Variants in GRIK4 observed in about 807,000 individuals in gnomAD.
GRIK4 encodes glutamate receptor ionotropic, kainate 4.
A neutral mutation model predicts 104.9 loss-of-function variants in GRIK4; 40 were observed. The ratio of observed to expected loss-of-function variants is 0.38; its 90% CI spans 0.30 to 0.50. The LOEUF (loss-of-function observed/expected upper bound fraction) is 0.50. Among genes scored for constraint, GRIK4 ranks in the 20% least tolerant of loss-of-function variants. GRIK4 has a pLI of 0.93. For synonymous variants in GRIK4, 485 were observed against 524.9 expected (o/e 0.92, Z 1.04); for missense variants, 1,047 against 1,308.1 (o/e 0.80, Z 3.08).
At chr11:120,534,867 C>G (rs896595840) in intron 1 of GRIK4, among the ~76,000 whole-genome samples, 1 of 152,130 alleles carries the variant, frequency 6.6e-6, no homozygotes, top group South Asian at 2.1e-4. Flanking sequence ...GGACACTCAG[C>G]AGGGATGAAG....
In GRIK4 at chr11:120,905,373, C is replaced by T. The variant is rs1299036290; in HGVS notation, c.1356C>T (p.Leu452=). Residue 452 remains leucine (L), a synonymous_variant, in exon 13 of 21, where the codon CTC becomes CTT. Coordinates refer to ENST00000527524, the MANE Select transcript of GRIK4 (RefSeq NM_014619.5). The surrounding 1 kb of genome is among the most constrained non-coding windows in gnomAD (Gnocchi z 5.1). The part of the protein sequence containing the change: ...DRYEGFCVDM[L]KELAEILRFN... ...ACGAGGGCTTCTGTGTGGACATGCT[C>T]AAGGAGCTGGCAGAGATCCTCCGAT... The T allele has an allele frequency of 9.9e-6, 16 of 1,613,948 alleles. No homozygotes were observed. Among genetic ancestry groups the T allele is most frequent in the East Asian group, 2.2e-5 (1 of 44,886 alleles).
Position 120,923,209 on chromosome 11 carries a change from G to A in GRIK4, c.1477-17138G>A, listed in dbSNP as rs375337413. Among the ~76,000 whole-genome samples the A allele has an allele frequency of 6.6e-5, 10 of 152,260 alleles. No individual in the cohort carries two copies. In the East Asian group the frequency reaches 1.9e-3, roughly 29 times the overall value. Reference sequence around the variant, plus strand: ...CAACAGGAAAGGGGAGTTACTAGGAGCAAATCAGATAGGAGGGCTCAGCCT... The same window carrying A: ...CAACAGGAAAGGGGAGTTACTAGGAACAAATCAGATAGGAGGGCTCAGCCT... On this transcript the variant is annotated intron_variant, in intron 13 of 20. Transcript: ENST00000527524.
At chr11:120,636,498 G>A (rs907585687) in intron 1 of GRIK4, among the ~76,000 whole-genome samples, 1 of 152,198 alleles carries the variant, frequency 6.6e-6, no homozygotes, top group African/African-American at 2.4e-5. Context: ...GCAGTGTGGG[G>A]AGACTGTGTT....
intron 3 of GRIK4, among the ~76,000 whole-genome samples, chr11:120,791,934 C>A (rs1952402806): frequency 6.6e-6 from 1 of 152,126 alleles, no homozygotes. Flanking sequence ...GGCATAGAAT[C>A]CCTCAAAAGC....
At chr11:120,915,883 C>G (rs545639475) in intron 13 of GRIK4, among the ~76,000 whole-genome samples, 1 of 152,268 alleles carries the variant, frequency 6.6e-6, no homozygotes, top group Non-Finnish European at 1.5e-5. Context: ...TTGGAGAGTT[C>G]CATAATTAAT....
At chr11:120,807,298 A>T (rs1403455233) in intron 4 of GRIK4, among the ~76,000 whole-genome samples, 1 of 152,068 alleles carries the variant, frequency 6.6e-6, no homozygotes, top group Non-Finnish European at 1.5e-5. Context: ...ACCCTTTACC[A>T]TTCAAACAAC....
intron 3 of GRIK4, among the ~76,000 whole-genome samples, chr11:120,765,952 G>T (rs1951831013): frequency 6.6e-6 from 1 of 152,258 alleles, no homozygotes; most frequent in Non-Finnish European, 1.5e-5. Flanking sequence ...TGAGAAGGCA[G>T]TCTGTCCCTT....
In GRIK4 at chr11:120,802,860, A is replaced by G; in HGVS notation, c.247+3A>G. On this transcript the variant is annotated splice_donor_region_variant and intron_variant, in intron 4 of 20. Transcript: ENST00000527524. ...CGAGTACGAGACTGCAGAAACCAGT[A>G]CGTAGACTGGGCAGGGCTGCCTCTT... 1.2e-6 allele frequency: 2 copies of G among 1,613,306 alleles called. No individual in the cohort carries two copies. The highest frequency in any genetic ancestry group is 1.7e-6 in the Non-Finnish European group (2 of 1,179,218).
intron 1 of GRIK4, among the ~76,000 whole-genome samples, chr11:120,649,024 G>A (rs1161875412): frequency 6.6e-6 from 1 of 152,216 alleles, no homozygotes; most frequent in Non-Finnish European, 1.5e-5. Context: ...CCAAGCAGAT[G>A]GGAGTCAGTG....
At chr11:120,539,071 G>A (rs973866197) in intron 1 of GRIK4, among the ~76,000 whole-genome samples, 1 of 152,234 alleles carries the variant, frequency 6.6e-6, no homozygotes. Context: ...GCACCCAGCC[G>A]AGACTGCAGC....
chr11:120,562,178 T>C (rs1045173265), intron 1 of GRIK4, among the ~76,000 whole-genome samples: 13 of 152,314 alleles, frequency 8.5e-5, no homozygotes, highest in Middle Eastern at 3.4e-3. Flanking sequence ...ATATTACCTT[T>C]ATCCATTTTA....
chr11:120,718,948 T>A (rs1307923353), intron 3 of GRIK4, among the ~76,000 whole-genome samples: 3 of 152,232 alleles, frequency 2.0e-5, no homozygotes, highest in Non-Finnish European at 4.4e-5. Flanking sequence ...AGGAATGGTT[T>A]GCTAAGAAAG....
intron 3 of GRIK4, among the ~76,000 whole-genome samples, chr11:120,752,837 G>A (rs1330927614): frequency 6.6e-6 from 1 of 152,216 alleles, no homozygotes; most frequent in East Asian, 1.9e-4. Flanking sequence ...GCAGTGATTA[G>A]TGACCCACAG....
intron 8 of GRIK4, among the ~76,000 whole-genome samples, chr11:120,856,288 C>G (rs1954103393): frequency 6.6e-6 from 1 of 152,212 alleles, no homozygotes; most frequent in Non-Finnish European, 1.5e-5. Context: ...CTTTCTAATA[C>G]ATGCTACTGT....
chr11:120,669,594 C>A (rs531978354), intron 3 of GRIK4, among the ~76,000 whole-genome samples: 1 of 152,252 alleles, frequency 6.6e-6, no homozygotes, highest in African/African-American at 2.4e-5. Flanking sequence ...TGTCCCCAGG[C>A]CCCATCTTAC....
intron 3 of GRIK4, among the ~76,000 whole-genome samples, chr11:120,798,157 CTTTTTTTTTTT>C (rs539833846): frequency 3.7e-4 from 25 of 68,086 alleles, no homozygotes; most frequent in African/African-American, 6.3e-4. Context: ...TCTGCTGTCT[CTTTTTTTTTTT>C]TTTTTTTTTT....
At chr11:120,873,999 C>A in intron 9 of GRIK4, 67 bp from the exon 10 acceptor site, 4 of 1,366,788 alleles carry the variant, frequency 2.9e-6, no homozygotes, top group Non-Finnish European at 4.0e-6. Flanking sequence ...TTATTTTCTC[C>A]CTCCCCTCCC....
At chr11:120,643,115 A>G (rs1183435542) in intron 1 of GRIK4, among the ~76,000 whole-genome samples, 1 of 152,180 alleles carries the variant, frequency 6.6e-6, no homozygotes, top group Non-Finnish European at 1.5e-5. Context: ...AGCAAACAAA[A>G]TCCCTGCTCT....
intron 1 of GRIK4, among the ~76,000 whole-genome samples, chr11:120,612,592 A>G (rs1949051327): frequency 1.3e-5 from 2 of 152,178 alleles, no homozygotes; most frequent in Non-Finnish European, 2.9e-5. Flanking sequence ...AACGTATAGC[A>G]TGTGGGATTC....
Sources: gnomAD v4.1 joint callset for allele counts (sites outside exome capture counted in the v4.1 genomes callset) on GRCh38, gnomAD v4.1.1 for gene constraint, Gnocchi (gnomAD v3.1) non-coding constraint, MANE v1.5 for transcripts, NCBI Gene and HGNC (gene_info 2026-07-23, HGNC 2026-07-21) for gene names.